The following NHS variants were observed in gnomAD, a reference collection of about 807,000 sequenced individuals.
NHS encodes the protein NHS actin remodeling regulator, also known as actin remodeling regulator NHS.
A neutral mutation model predicts 72.5 loss-of-function variants in NHS; 5 were observed. The observed-to-expected ratio is 0.07, with a 90% confidence interval of 0.04 to 0.14. NHS has a LOEUF of 0.14. Ranked by LOEUF, NHS falls within the 10% of genes least tolerant of loss-of-function variation. The pLI, the probability that NHS is intolerant of heterozygous loss-of-function variation, is 1.00. For missense variants in NHS, 1,072 were observed against 1,355.7 expected (o/e 0.79, Z 3.29); for synonymous variants, 464 against 547.7 (o/e 0.85, Z 2.13).
At chrX:17,573,958 G>C (rs893731830) in intron 1 of NHS, among the ~76,000 whole-genome samples, 2 of 111,824 alleles carry the variant, frequency 1.8e-5, no homozygotes, top group Non-Finnish European at 3.8e-5. Context: ...GTCTGTTGGA[G>C]TTGGCTGGAG....
chrX:17,504,599 C>A (rs1202170640), intron 1 of NHS, among the ~76,000 whole-genome samples: 1 of 111,741 alleles, frequency 8.9e-6, no homozygotes, highest in East Asian at 2.8e-4. Flanking sequence ...CTTTGGCTTT[C>A]CATTTCTATT....
chrX:17,520,594 AAG>A (rs1041571012), intron 1 of NHS, among the ~76,000 whole-genome samples: 1 of 112,072 alleles, frequency 8.9e-6, no homozygotes, highest in African/African-American at 3.3e-5. Context: ...ATTGTAAGGG[AAG>A]AGAGGGAGAG....
chrX:17,457,773 G>A (rs767654281), intron 1 of NHS, among the ~76,000 whole-genome samples: 1 of 111,519 alleles, frequency 9.0e-6, no homozygotes, highest in African/African-American at 3.3e-5. Context: ...TGAAGCCTCA[G>A]ACTCTCAGCT....
intron 1 of NHS, among the ~76,000 whole-genome samples, chrX:17,378,248 A>G (rs775063770): frequency 8.9e-6 from 1 of 111,893 alleles, no homozygotes; most frequent in Non-Finnish European, 1.9e-5. Context: ...GTACAAACTA[A>G]TAGTTAGTAG....
intron 3 of NHS, among the ~76,000 whole-genome samples, chrX:17,707,032 G>C (rs924941453): frequency 8.9e-6 from 1 of 112,072 alleles, no homozygotes; most frequent in Non-Finnish European, 1.9e-5. Context: ...TCACCCTGCA[G>C]TAGAGTCCAT....
At chrX:17,573,984 T>C (rs772848206) in intron 1 of NHS, among the ~76,000 whole-genome samples, 1 of 111,806 alleles carries the variant, frequency 8.9e-6, no homozygotes, top group South Asian at 3.8e-4. Flanking sequence ...CTCCAGACCC[T>C]GTTTGCCTGG....
chrX:17,687,937 G>A lies in NHS; in HGVS notation c.718+43G>A, dbSNP rs371523894. On this transcript the variant is annotated intron_variant, in intron 2 of 8. Coordinates refer to ENST00000676302, the MANE Select transcript of NHS (RefSeq NM_001291867.2). The stretch of plus-strand genomic sequence containing the variant: ...TGGGGGCTTTTGCGGGAGACAACTC[G>A]GAGGTTGTCCCATCCAGGTGTCCTC... The A allele has an allele frequency of 5.2e-5, 61 of 1,180,173 alleles. No individual in the cohort carries two copies. In the Admixed American group the frequency reaches 8.7e-4, roughly 17 times the overall value.
chrX:17,538,823 G>C (rs759233604), intron 1 of NHS, among the ~76,000 whole-genome samples: 1 of 111,921 alleles, frequency 8.9e-6, no homozygotes, highest in African/African-American at 3.3e-5. Flanking sequence ...TCTTAAGTGG[G>C]GCGTACACTT....
intron 1 of NHS, among the ~76,000 whole-genome samples, chrX:17,452,160 G>T (rs917579236): frequency 3.6e-5 from 4 of 111,651 alleles, no homozygotes; most frequent in Non-Finnish European, 7.5e-5. Flanking sequence ...GATGAACATG[G>T]TTCCTGCCTT....
chrX:17,538,801 G>A (rs147833936), intron 1 of NHS, among the ~76,000 whole-genome samples: 16 of 111,932 alleles, frequency 1.4e-4, no homozygotes, highest in South Asian at 3.8e-4. Context: ...GATCAAAACC[G>A]CTTTTCTTTG....
intron 1 of NHS, among the ~76,000 whole-genome samples, chrX:17,571,426 A>G (rs1458158562): frequency 5.4e-5 from 6 of 111,997 alleles, no homozygotes; most frequent in African/African-American, 1.3e-4. Flanking sequence ...GAATTTATCA[A>G]TTTCTTCCAG....
At chrX:17,380,263 A>G (rs2064369849) in intron 1 of NHS, among the ~76,000 whole-genome samples, 1 of 111,641 alleles carries the variant, frequency 9.0e-6, no homozygotes, top group East Asian at 2.8e-4. Context: ...GTTACTTGTA[A>G]TTAATTAGTG....
chrX:17,403,604 A>G (rs1462131251), intron 1 of NHS, among the ~76,000 whole-genome samples: 2 of 112,296 alleles, frequency 1.8e-5, no homozygotes, highest in Non-Finnish European at 3.8e-5. Context: ...TCACCCACAG[A>G]ATGAGAAATG....
chrX:17,580,289 G>T (rs1353164717), intron 1 of NHS, among the ~76,000 whole-genome samples: 1 of 110,660 alleles, frequency 9.0e-6, no homozygotes, highest in African/African-American at 3.3e-5. Flanking sequence ...TTCTCTTTAG[G>T]TACTAAAAGC....
chrX:17,613,731 CT>C (rs1201658384), intron 1 of NHS, among the ~76,000 whole-genome samples: 2 of 111,853 alleles, frequency 1.8e-5, no homozygotes, highest in Non-Finnish European at 3.8e-5. Context: ...TATTCAGTTC[CT>C]CTTAAGGTGG....
chrX:17,566,251 G>A (rs2065442969), intron 1 of NHS, among the ~76,000 whole-genome samples: 1 of 110,846 alleles, frequency 9.0e-6, no homozygotes, highest in Admixed American at 9.6e-5. Context: ...CCAAAGAGCT[G>A]GGATTACGGG....
rs1170279360 is a variant in NHS, at chrX:17,526,457, C to T, written c.565+150135C>T. 3.6e-5 allele frequency among the ~76,000 whole-genome samples: 4 copies of T among 112,100 alleles called. No individual in the cohort carries two copies. In the South Asian group the frequency reaches 1.5e-3, roughly 42 times the overall value. ...AGCATGCGAGCAGAAGTGCGCAAGG[C>T]CTTTCGAGATCCAGGCTTGGAACTC... On this transcript the variant is annotated intron_variant, in intron 1 of 8. Transcript: ENST00000676302.
In NHS at chrX:17,727,427, A is replaced by G. The variant is rs1198598834; in HGVS notation, c.3321A>G (p.Pro1107=). ...VLNKPFHHRH[P]LHVFTHNKQN... is the part of the protein sequence containing the mutation. ...ACAAACCATTCCACCACCGTCATCC[A>G]CTGCATGTTTTTACTCATAATAAGC... Residue 1107 remains proline, a synonymous_variant, in exon 7 of 9, where the codon CCA becomes CCG. Coordinates refer to ENST00000676302, the MANE Select transcript of NHS (RefSeq NM_001291867.2). 8.3e-7 allele frequency: 1 copy of G among 1,211,733 alleles called. No homozygotes were observed. The highest frequency in any genetic ancestry group is 3.0e-5 in the East Asian group (1 of 33,852).
intron 1 of NHS, among the ~76,000 whole-genome samples, chrX:17,513,126 G>C (rs958209599): frequency 8.9e-6 from 1 of 111,807 alleles, no homozygotes; most frequent in Non-Finnish European, 1.9e-5. Context: ...AGATTATTAC[G>C]AGCTGAAGCA....
Sources: allele counts gnomAD v4.1 joint callset (sites outside exome capture counted in the v4.1 genomes callset), GRCh38; gene constraint gnomAD v4.1.1; transcripts MANE v1.5; gene names NCBI Gene and HGNC (gene_info 2026-07-23, HGNC 2026-07-21).